Variants in MACO1 observed in about 807,000 individuals in gnomAD.
MACO1 encodes the protein macoilin 1, also known as macoilin.
MACO1 carries 14 observed loss-of-function variants against 78.7 expected under a neutral mutation model. The observed-to-expected ratio is 0.18, with a 90% CI of 0.12 to 0.28. MACO1 has a LOEUF of 0.28. MACO1 is among the 10% of genes least tolerant of loss of function. The pLI, the probability that MACO1 is intolerant of heterozygous loss-of-function variation, is 1.00. For missense variants in MACO1, 501 were observed against 799.0 expected (o/e 0.63, Z 4.50); for synonymous variants, 288 against 291.6 (o/e 0.99, Z 0.12).
At position 25,456,812 on chromosome 1, in the gene MACO1, A is replaced by T; in HGVS notation, c.633A>T (p.Gln211His). 1 of 1,610,380 alleles carries T rather than the reference A, an allele frequency of 6.2e-7. No homozygotes were observed. Among genetic ancestry groups the T allele is most frequent in the Non-Finnish European group, 8.5e-7 (1 of 1,179,086 alleles). Reference sequence around the variant, plus strand: ...CAGAGCAACAGATGCTACAGAAGCAAGAAAAAGAGGCCGAGGAAGGTAGGT... The same window carrying T: ...CAGAGCAACAGATGCTACAGAAGCATGAAAAAGAGGCCGAGGAAGGTAGGT... ...LPPEQQMLQK[Q>H]EKEAEEAAKG... is the part of the protein sequence containing the mutation. The change falls in exon 5 of 11, where the codon CAA becomes CAT. Residue 211 changes from glutamine to histidine, a missense_variant. By Grantham distance (24) the Gln-to-His change is conservative. Transcript: ENST00000374343.
At chr1:25,495,029 C>T (rs557874366) in intron 10 of MACO1, among the ~76,000 whole-genome samples, 4 of 152,202 alleles carry the variant, frequency 2.6e-5, no homozygotes, top group Non-Finnish European at 5.9e-5. Context: ...TCTGTGGACT[C>T]GAGGAAAGGC....
intron 5 of MACO1, among the ~76,000 whole-genome samples, 182 bp downstream of exon 5, chr1:25,457,013 A>G (rs1317841614): frequency 6.6e-6 from 1 of 151,982 alleles, no homozygotes; most frequent in African/African-American, 2.4e-5. Context: ...TTTTTTACAT[A>G]CTGTCTGAAG....
chr1:25,475,213 C>T (rs556158442), intron 6 of MACO1, among the ~76,000 whole-genome samples: 36 of 152,050 alleles, frequency 2.4e-4, no homozygotes, highest in African/African-American at 7.0e-4. Context: ...GGCAAGGTGG[C>T]GGGTGCCTGT....
intron 6 of MACO1, among the ~76,000 whole-genome samples, chr1:25,477,922 T>C (rs2043336789): frequency 6.6e-6 from 1 of 152,162 alleles, no homozygotes; most frequent in Non-Finnish European, 1.5e-5. Context: ...TTAAAAACAA[T>C]ACCCATTTCA....
intron 6 of MACO1, among the ~76,000 whole-genome samples, chr1:25,474,606 G>A (rs989989486): frequency 1.3e-5 from 2 of 152,098 alleles, no homozygotes; most frequent in African/African-American, 2.4e-5. Context: ...CTTTCATACC[G>A]CTTAGAAGGA....
chr1:25,454,414 G>GTC (rs1199378214), intron 4 of MACO1, 32 bp downstream of exon 4: 6 of 1,423,510 alleles, frequency 4.2e-6, no homozygotes, highest in Non-Finnish European at 5.8e-6. Flanking sequence ...GTGTGTGTGT[G>GTC]TGTATATGTG....
At chr1:25,467,721 T>C (rs1040534444) in intron 6 of MACO1, among the ~76,000 whole-genome samples, 1 of 145,672 alleles carries the variant, frequency 6.9e-6, no homozygotes, top group African/African-American at 2.6e-5. Context: ...GAGTAGAAAT[T>C]AGAATGATGA....
chr1:25,450,324 G>T (rs1195202052), intron 3 of MACO1, among the ~76,000 whole-genome samples: 1 of 152,124 alleles, frequency 6.6e-6, no homozygotes, highest in Non-Finnish European at 1.5e-5. Flanking sequence ...CTAGAGTAGA[G>T]CTCCCTACTT....
intron 3 of MACO1, among the ~76,000 whole-genome samples, chr1:25,453,945 T>A (rs549690748): frequency 6.6e-6 from 1 of 152,304 alleles, no homozygotes; most frequent in Admixed American, 6.5e-5. Context: ...TATTCTTTTG[T>A]GACTCGTAAA....
chr1:25,456,053 A>G (rs2043117178), intron 4 of MACO1, among the ~76,000 whole-genome samples: 1 of 152,076 alleles, frequency 6.6e-6, no homozygotes, highest in African/African-American at 2.4e-5. Flanking sequence ...AGGTCGAGAG[A>G]TCGAGACCAT....
At position 25,458,786 on chromosome 1, in the gene MACO1, A is replaced by C. The variant is rs1253868130; in HGVS notation, c.1048A>C (p.Asn350His). The change falls in exon 6 of 11, where the codon AAT becomes CAT. Residue 350 changes from asparagine to histidine, a missense_variant. By Grantham distance (68) the Asn-to-His change is moderately conservative. Coordinates refer to ENST00000374343, the MANE Select transcript of MACO1 (RefSeq NM_018202.6). Reference protein sequence around the residue: ...NGSIPSSSSKNEKKQKCTSKS... With the variant: ...NGSIPSSSSKHEKKQKCTSKS... ...GAGCATTCCTTCCTCATCTAGTAAAAATGAGAAGAAGCAGAAATGCACTAG... is the reference window on the plus strand; with the variant it reads ...GAGCATTCCTTCCTCATCTAGTAAACATGAGAAGAAGCAGAAATGCACTAG... The C allele has an allele frequency of 6.2e-7, 1 of 1,614,156 alleles. No individual in the cohort carries two copies. Among genetic ancestry groups the C allele is most frequent in the Admixed American group, 1.7e-5 (1 of 60,010 alleles).
intron 10 of MACO1, among the ~76,000 whole-genome samples, 157 bp from the exon 11 acceptor site, chr1:25,498,107 T>G (rs1295572705): frequency 6.6e-6 from 1 of 152,200 alleles, no homozygotes; most frequent in East Asian, 1.9e-4. Context: ...CTAAAATATT[T>G]ACTGTGTCCC....
chr1:25,490,800 C>T (rs577286932), intron 9 of MACO1, among the ~76,000 whole-genome samples: 2 of 152,240 alleles, frequency 1.3e-5, no homozygotes, highest in African/African-American at 2.4e-5. Flanking sequence ...TAATATTTCA[C>T]TTCTGCTAAA....
chr1:25,483,218 TTTTTGTAC>T (rs2043396167), intron 6 of MACO1, among the ~76,000 whole-genome samples: 2 of 152,130 alleles, frequency 1.3e-5, no homozygotes, highest in Non-Finnish European at 2.9e-5. Context: ...GCCCAGCTAA[TTTTTGTAC>T]TTTTAGTAGA....
chr1:25,465,674 T>C (rs996953983), intron 6 of MACO1, among the ~76,000 whole-genome samples: 1 of 152,250 alleles, frequency 6.6e-6, no homozygotes, highest in Non-Finnish European at 1.5e-5. Context: ...TTTTGTTACA[T>C]GCATAGATTG....
chr1:25,466,674 C>T (rs903074186), intron 6 of MACO1, among the ~76,000 whole-genome samples: 2 of 152,118 alleles, frequency 1.3e-5, no homozygotes, highest in African/African-American at 4.8e-5. Flanking sequence ...AAGAGTTCTT[C>T]GTATATTTTC....
rs554012868 is a variant in MACO1, at chr1:25,495,360, CA to C, written c.1793-2901del. ...TTTTCCTGTTACTGATTAAAGAAATCAAACTTAAATCGGCAGGGAAAAAGAT... is the reference window on the plus strand; with the variant it reads ...TTTTCCTGTTACTGATTAAAGAAATCAACTTAAATCGGCAGGGAAAAAGAT... On this transcript the variant is annotated intron_variant, in intron 10 of 10. Transcript: ENST00000374343. Among the ~76,000 whole-genome samples, 461 of 152,274 alleles carry C rather than the reference CA, an allele frequency of 3.0e-3. 1 individual carries two copies. The Middle Eastern group carries it at 0.031, about 10-fold the overall frequency.
intron 3 of MACO1, among the ~76,000 whole-genome samples, chr1:25,452,824 G>A (rs1229336680): frequency 1.3e-5 from 2 of 151,062 alleles, no homozygotes; most frequent in Admixed American, 6.6e-5. Context: ...AGCCTCCCGA[G>A]TAACTGGAAT....
chr1:25,457,745 T>C (rs1346204450), intron 5 of MACO1, among the ~76,000 whole-genome samples: 1 of 152,214 alleles, frequency 6.6e-6, no homozygotes, highest in African/African-American at 2.4e-5. Context: ...TTATTTAATA[T>C]ATTTCAAAAT....
Sources: gnomAD v4.1 joint callset for allele counts (sites outside exome capture counted in the v4.1 genomes callset) on GRCh38, gnomAD v4.1.1 for gene constraint, MANE v1.5 for transcripts, NCBI Gene and HGNC (gene_info 2026-07-23, HGNC 2026-07-21) for gene names.